Variants in CDSN observed in about 807,000 individuals in gnomAD.
CDSN encodes S protein.
A neutral mutation model predicts 25.6 loss-of-function variants in CDSN; 11 were observed. The ratio of observed to expected loss-of-function variants is 0.43; its 90% CI spans 0.27 to 0.71. The LOEUF (loss-of-function observed/expected upper bound fraction) is 0.71, where lower values mean the gene tolerates loss of function less well. CDSN is among the 30% of genes least tolerant of loss of function. The probability of loss-of-function intolerance (pLI) is 0.20; values close to 1 mark genes in which losing one functional copy is unlikely to be tolerated. For synonymous variants in CDSN, 266 were observed against 267.4 expected (o/e 0.99, Z 0.05); for missense variants, 598 against 670.9 (o/e 0.89, Z 1.20).
Position 31,115,241 on chromosome 6 carries a change from A to G in CDSN, c.*784T>C. On this transcript the variant is annotated 3_prime_UTR_variant, in exon 2 of 2. Transcript: ENST00000376288. The surrounding 1 kb of genome is among the most constrained non-coding windows in gnomAD (Gnocchi z 4.2). ...CCACCCAGACTCTCAGAGGAGACCC[A>G]GGACTCCAAGAAGGCAAAAAGTCTG... The G allele has an allele frequency of 4.0e-6, 1 of 250,134 alleles. No homozygotes were observed. The highest frequency in any genetic ancestry group is 7.9e-6 in the Non-Finnish European group (1 of 127,292). 15.5% of individuals were successfully genotyped at this position (250,134 alleles called of 1,614,324 possible). A position where few individuals can be genotyped will look rare whatever the true frequency, so the allele number is the denominator to read the frequency against.
rs1276856810 is a variant in CDSN at position 31,116,959 on chromosome 6, C to T, written c.656G>A (p.Ser219Asn). Reference sequence around the variant, plus strand: ...GCAGGGAGAGTCGGGGATGTCCGAACTACAGGGACGCTGGTTGGAGCTGAC... The same window carrying T: ...GCAGGGAGAGTCGGGGATGTCCGAATTACAGGGACGCTGGTTGGAGCTGAC... ...QSVSSNQRPC[S>N]SDIPDSPCSG... The change falls in exon 2 of 2, where the codon AGT (serine) becomes AAT (asparagine). Residue 219 changes from serine to asparagine, a missense_variant. By Grantham distance (46) the Ser-to-Asn change is conservative. Coordinates refer to ENST00000376288, the MANE Select transcript of CDSN (RefSeq NM_001264.5). 2 of 1,614,186 alleles carry T rather than the reference C, an allele frequency of 1.2e-6. No individual in the cohort carries two copies. Among genetic ancestry groups the T allele is most frequent in the South Asian group, 1.1e-5 (1 of 91,086 alleles).
At chr6:31,118,861 T>TTTTTTTTG (rs1772311167) in intron 1 of CDSN, 1 of 148,768 alleles carries the variant, frequency 6.7e-6, no homozygotes, top group Non-Finnish European at 1.5e-5. Flanking sequence ...TTTTTTTTTT[T>TTTTTTTTG]GTGAGATGGA....
Position 31,115,135 on chromosome 6 carries a change from G to C in CDSN, c.*890C>G, listed in dbSNP as rs1772036305. On this transcript the variant is annotated 3_prime_UTR_variant, in exon 2 of 2. Coordinates refer to ENST00000376288, the MANE Select transcript of CDSN (RefSeq NM_001264.5). This position sits in a 1 kb window ranked among gnomAD's most constrained non-coding sequence, Gnocchi z 4.2. ...ATTGTCTTCCTCCTCTGTGGGAGCA[G>C]CTGGAAGGTAGAAGAGAAACACAGC... 1 of 342,284 alleles carries C rather than the reference G, an allele frequency of 2.9e-6. No homozygotes were observed. 21.2% of individuals were successfully genotyped at this position (342,284 alleles called of 1,614,324 possible). A position where few individuals can be genotyped will look rare whatever the true frequency, so the allele number is the denominator to read the frequency against.
rs3130982 is a variant in CDSN, at chr6:31,116,298, G to T, written c.1317C>A (p.Ser439=). ...AAGGCTGAAGGATGATTTTGCCACT[G>T]GATTGGGAACTGGAGCTGCTGCTGA... ...GSFSSSSSSQ[S]SGKIILQPCG... The change falls in exon 2 of 2, where the codon TCC becomes TCA. Residue 439 remains serine, a synonymous_variant. Transcript: ENST00000376288. 10,252 of 1,613,738 alleles carry T rather than the reference G, an allele frequency of 6.4e-3. 501 individuals are homozygous for T. In the South Asian group the frequency reaches 0.083, roughly 13 times the overall value.
At chr6:31,118,837 CTTCTTCTTTTTTTT>C (rs1212439116) in intron 1 of CDSN, 3 of 92,456 alleles carry the variant, frequency 3.2e-5, no homozygotes, top group African/African-American at 1.4e-4. Context: ...GTTTTTTCTT[CTTCTTCTTTTTTTT>C]TTTTTTTTTT....
In CDSN at chr6:31,117,133, A is replaced by G; in HGVS notation, c.482T>C (p.Phe161Ser). Residue 161 changes from phenylalanine (F) to serine (S), a missense_variant, in exon 2 of 2, where the codon TTT becomes TCT. Physicochemically the swap from Phe to Ser is radical, Grantham distance 155. Coordinates refer to ENST00000376288, the MANE Select transcript of CDSN (RefSeq NM_001264.5). ...SSSHSSSSSSFQFSSSSFQVG... is the reference protein window; with the variant it reads ...SSSHSSSSSSSQFSSSSFQVG... ...TTGGAAGCTGCTGCTGCTGAACTGA[A>G]AGCTGCTGCTGCTGCTCGAATGAGA... 6.2e-7 allele frequency: 1 copy of G among 1,612,970 alleles called. No homozygotes were observed.
Position 31,117,287 on chromosome 6 carries a change from T to C in CDSN, c.328A>G (p.Thr110Ala), listed in dbSNP as rs1175935260. 1 of 1,598,296 alleles carries C rather than the reference T, an allele frequency of 6.3e-7. No individual in the cohort carries two copies. The highest frequency in any genetic ancestry group is 1.3e-5 in the African/African-American group (1 of 74,504). The change falls in exon 2 of 2, where the codon ACG (threonine) becomes GCG (alanine). Residue 110 changes from threonine to alanine, a missense_variant. Thr to Ala is a moderately conservative substitution (Grantham distance 58). Transcript: ENST00000376288. ...GGSAGSFKPGTGYSQVSYSSG... is the reference protein window; with the variant it reads ...GGSAGSFKPGAGYSQVSYSSG... The stretch of plus-strand genomic sequence containing the variant: ...GAGTAGCTGACCTGGGAATACCCCG[T>C]TCCTGGCTTAAAAGATCCTGCAGAA...
chr6:31,115,893 AG>A lies in CDSN; in HGVS notation c.*131del. ...TCTGCAACCTTGGGGTAGTGGAGAA[AG>A]CAGAACCACTCTTTTGGGAAGGAGG... On this transcript the variant is annotated 3_prime_UTR_variant, in exon 2 of 2. Coordinates refer to ENST00000376288, the MANE Select transcript of CDSN (RefSeq NM_001264.5). The surrounding 1 kb of genome is among the most constrained non-coding windows in gnomAD (Gnocchi z 4.2). The A allele has an allele frequency of 1.3e-6, 1 of 782,074 alleles. No individual in the cohort carries two copies. The highest frequency in any genetic ancestry group is 2.2e-6 in the Non-Finnish European group (1 of 459,988). 48.4% of individuals were successfully genotyped at this position (782,074 alleles called of 1,614,324 possible).
At position 31,120,380 on chromosome 6, in the gene CDSN, C is replaced by T. The variant is rs932296324; in HGVS notation, c.40G>A (p.Gly14Arg). 1.3e-6 allele frequency: 2 copies of T among 1,594,312 alleles called. No homozygotes were observed. The highest frequency in any genetic ancestry group is 1.7e-5 in the Admixed American group (1 of 57,292). Reference sequence around the variant, plus strand: ...AGCAGCAGTGCCATCATCCCGTGCCCACCCACACGCCCCATCCAGGGTGCC... The same window carrying T: ...AGCAGCAGTGCCATCATCCCGTGCCTACCCACACGCCCCATCCAGGGTGCC... Reference protein sequence around the residue: ...SRAPWMGRVGGHGMMALLLAG... With the variant: ...SRAPWMGRVGRHGMMALLLAG... Residue 14 changes from glycine (G) to arginine (R), a missense_variant, in exon 1 of 2, where the codon GGG becomes AGG. By Grantham distance (125) the Gly-to-Arg change is moderately radical. Coordinates refer to ENST00000376288, the MANE Select transcript of CDSN (RefSeq NM_001264.5).
In CDSN at chr6:31,117,182, CGCTGTTTCCCGAGTGAGAGCT is replaced by C. The variant is rs1324077097; in HGVS notation, c.412_432del (p.Ser138_Ser144del). ...GAGCTGCTGCTTCCCGAGTGAGAGC[CGCTGTTTCCCGAGTGAGAGCT>C]GCTGCTCCCCAGCTGGGAGGAACCG... On this transcript the variant is annotated inframe_deletion, in exon 2 of 2. Coordinates refer to ENST00000376288, the MANE Select transcript of CDSN (RefSeq NM_001264.5). 1 of 1,611,674 alleles carries C rather than the reference CGCTGTTTCCCGAGTGAGAGCT, an allele frequency of 6.2e-7. No individual in the cohort carries two copies. The highest frequency in any genetic ancestry group is 8.5e-7 in the Non-Finnish European group (1 of 1,178,290).
rs779003367 is a variant in CDSN at position 31,116,990 on chromosome 6, G to T, written c.625C>A (p.Gln209Lys). Residue 209 changes from glutamine to lysine, a missense_variant, in exon 2 of 2, where the codon CAA becomes AAA. Gln to Lys is a moderately conservative substitution (Grantham distance 53). Coordinates refer to ENST00000376288, the MANE Select transcript of CDSN (RefSeq NM_001264.5). ...SQTFGVSSSG[Q>K]SVSSNQRPCS... ...GGACGCTGGTTGGAGCTGACGCTTT[G>T]GCCACTGCTGGATACCCCAAAGGTC... is the stretch of plus-strand genomic sequence containing the variant. 1 of 1,614,184 alleles carries T rather than the reference G, an allele frequency of 6.2e-7. No homozygotes were observed. Among genetic ancestry groups the T allele is most frequent in the East Asian group, 2.2e-5 (1 of 44,872 alleles).
chr6:31,117,718 T>C, intron 1 of CDSN, 189 bp from the exon 2 acceptor site: 1 of 612,148 alleles, frequency 1.6e-6, no homozygotes, highest in Non-Finnish European at 2.9e-6. Context: ...AATAAAGGCA[T>C]TTCTTTGTTT....
At position 31,116,634 on chromosome 6, in the gene CDSN, C is replaced by G; in HGVS notation, c.981G>C (p.Glu327Asp). Residue 327 changes from glutamate to aspartate, a missense_variant, in exon 2 of 2, where the codon GAG becomes GAC. Physicochemically the swap from Glu to Asp is conservative, Grantham distance 45. Coordinates refer to ENST00000376288, the MANE Select transcript of CDSN (RefSeq NM_001264.5). The stretch of plus-strand genomic sequence containing the variant: ...CCCCTGGAGAGCCTTTCACAGGGTT[C>G]TCTTTGGTGAAGTAGCCCACAGGGT... ...KIYPVGYFTK[E>D]NPVKGSPGVP... The G allele has an allele frequency of 1.2e-6, 2 of 1,613,084 alleles. No homozygotes were observed. Among genetic ancestry groups the G allele is most frequent in the Non-Finnish European group, 1.7e-6 (2 of 1,180,016 alleles).
chr6:31,117,111 GAAGCTGCTGCTGCTGAACTGA>G lies in CDSN; in HGVS notation c.483_503del (p.Phe163_Gln169del). 6.2e-7 allele frequency: 1 copy of G among 1,614,134 alleles called. No homozygotes were observed. On this transcript the variant is annotated inframe_deletion, in exon 2 of 2. Coordinates refer to ENST00000376288, the MANE Select transcript of CDSN (RefSeq NM_001264.5). The stretch of plus-strand genomic sequence containing the variant: ...GCAGAGCAGAGCCATTCCCTACTTG[GAAGCTGCTGCTGCTGAACTGA>G]AAGCTGCTGCTGCTGCTCGAATGAG...
chr6:31,120,442 C>A lies in CDSN; in HGVS notation c.-23G>T. ...CATCTCGGACTGCACGGCCTCCTGACTGATGGCAGCTCAAGGACACCCGGG... is the reference window on the plus strand; with the variant it reads ...CATCTCGGACTGCACGGCCTCCTGAATGATGGCAGCTCAAGGACACCCGGG... On this transcript the variant is annotated 5_prime_UTR_variant, in exon 1 of 2. Coordinates refer to ENST00000376288, the MANE Select transcript of CDSN (RefSeq NM_001264.5). 6.4e-7 allele frequency: 1 copy of A among 1,554,698 alleles called. No homozygotes were observed. The highest frequency in any genetic ancestry group is 8.7e-7 in the Non-Finnish European group (1 of 1,146,548).
rs1262061073 is a variant in CDSN, at chr6:31,115,833, G to C, written c.*192C>G. The C allele has an allele frequency of 1.7e-6, 1 of 592,296 alleles. No homozygotes were observed. The highest frequency in any genetic ancestry group is 1.9e-5 in the African/African-American group (1 of 53,838). 36.7% of individuals were successfully genotyped at this position (592,296 alleles called of 1,614,324 possible). A position where few individuals can be genotyped will look rare whatever the true frequency, so the allele number is the denominator to read the frequency against. On this transcript the variant is annotated 3_prime_UTR_variant, in exon 2 of 2. Transcript: ENST00000376288. The surrounding 1 kb of genome is among the most constrained non-coding windows in gnomAD (Gnocchi z 4.2). ...AGAGGAGCTTTGAATCTACCATTTT[G>C]AGAAGAGGAAGGAGGAAGGGGTGAT...
At chr6:31,119,952 C>T (rs533901792) in intron 1 of CDSN, among the ~76,000 whole-genome samples, 1 of 152,076 alleles carries the variant, frequency 6.6e-6, no homozygotes, top group East Asian at 1.9e-4. Context: ...TCCAAATGTG[C>T]TTAAAACAGA....
rs1772142909 is a variant in CDSN, at chr6:31,116,621, C to T, written c.994G>A (p.Gly332Ser). 1.2e-6 allele frequency: 2 copies of T among 1,613,256 alleles called. No individual in the cohort carries two copies. The highest frequency in any genetic ancestry group is 1.3e-5 in the African/African-American group (1 of 75,032). ...GYFTKENPVK[G>S]SPGVPSFAAG... The stretch of plus-strand genomic sequence containing the variant: ...GCAAAGGAAGGGACCCCTGGAGAGC[C>T]TTTCACAGGGTTCTCTTTGGTGAAG... Residue 332 changes from glycine (G) to serine (S), a missense_variant, in exon 2 of 2, where the codon GGC becomes AGC. By Grantham distance (56) the Gly-to-Ser change is moderately conservative. Transcript: ENST00000376288.
In CDSN at chr6:31,116,800, G is replaced by T; in HGVS notation, c.815C>A (p.Pro272His). Residue 272 changes from proline (P) to histidine (H), a missense_variant, in exon 2 of 2, where the codon CCC becomes CAC. By Grantham distance (77) the Pro-to-His change is moderately conservative. Transcript: ENST00000376288. The part of the protein sequence containing the change: ...SGAPGVVQGP[P>H]CSNGGLPGKP... ...GCCTGGAAGGCCACCATTGCTACAG[G>T]GGGGACCTTGAACCACTCCAGGGGC... is the stretch of plus-strand genomic sequence containing the variant. The T allele has an allele frequency of 6.2e-7, 1 of 1,613,862 alleles. No homozygotes were observed. Among genetic ancestry groups the T allele is most frequent in the Non-Finnish European group, 8.5e-7 (1 of 1,180,010 alleles).
Sources: allele counts gnomAD v4.1 joint callset (sites outside exome capture counted in the v4.1 genomes callset), GRCh38; gene constraint gnomAD v4.1.1; non-coding constraint Gnocchi (gnomAD v3.1); transcripts MANE v1.5; gene names NCBI Gene and HGNC (gene_info 2026-07-23, HGNC 2026-07-21).